The following CASR variants were observed in gnomAD, a reference collection of about 807,000 sequenced individuals.
The protein encoded by CASR is extracellular calcium-sensing receptor.
Under a neutral mutation model 69.1 loss-of-function variants are expected in CASR, and 23 were observed. The ratio of observed to expected loss-of-function variants is 0.33; its 90% confidence interval spans 0.24 to 0.47. The LOEUF is 0.47. CASR is among the 20% of genes least tolerant of loss of function. The pLI, the probability that CASR is intolerant of heterozygous loss-of-function variation, is 1.00. For missense variants in CASR, 924 were observed against 1,356.1 expected (o/e 0.68, Z 5.00); for synonymous variants, 541 against 544.7 (o/e 0.99, Z 0.10).
chr3:122,225,646 A>G (rs964682118), intron 1 of CASR, among the ~76,000 whole-genome samples: 22 of 151,936 alleles, frequency 1.4e-4, no homozygotes, highest in African/African-American at 5.1e-4. Flanking sequence ...TAATTTAGCC[A>G]CCGTGGAAAG....
At chr3:122,228,828 G>A (rs780521104) in intron 1 of CASR, among the ~76,000 whole-genome samples, 5 of 152,080 alleles carry the variant, frequency 3.3e-5, no homozygotes, top group South Asian at 2.1e-4. Flanking sequence ...CAGAACCACC[G>A]CTGTGCCACT....
intron 1 of CASR, among the ~76,000 whole-genome samples, chr3:122,197,162 G>C (rs1052915603): frequency 6.6e-6 from 1 of 152,074 alleles, no homozygotes; most frequent in African/African-American, 2.4e-5. Flanking sequence ...CTAACTCCTT[G>C]GTCATTTTTT....
chr3:122,256,140 A>T (rs1209782336), intron 2 of CASR, among the ~76,000 whole-genome samples: 1 of 152,234 alleles, frequency 6.6e-6, no homozygotes, highest in East Asian at 1.9e-4. Context: ...AAAACTCAGC[A>T]TTCCACCTCC....
intron 4 of CASR, among the ~76,000 whole-genome samples, chr3:122,270,637 T>G (rs976346739): frequency 2.0e-5 from 3 of 152,220 alleles, no homozygotes; most frequent in African/African-American, 7.2e-5. Context: ...AGACATTTAC[T>G]GCTATAAATT....
At chr3:122,273,115 G>A (rs899046828) in intron 4 of CASR, among the ~76,000 whole-genome samples, 4 of 152,212 alleles carry the variant, frequency 2.6e-5, no homozygotes, top group Non-Finnish European at 5.9e-5. Context: ...CCAAGGAACT[G>A]AAACCTAAAT....
intron 2 of CASR, 25 bp downstream of exon 2, chr3:122,254,399 A>C (rs759033373): frequency 6.2e-7 from 1 of 1,606,796 alleles, no homozygotes; most frequent in African/African-American, 1.3e-5. Flanking sequence ...CTAATCTGCC[A>C]ATCTCTTCTC....
At chr3:122,252,427 A>AAGAAAGAAAGAAAGAAAGAAAGAAAG (rs2074503187) in intron 1 of CASR, among the ~76,000 whole-genome samples, 1 of 96,054 alleles carries the variant, frequency 1.0e-5, no homozygotes. Context: ...GAAAGAAAGA[A>AAGAAAGAAAGAAAGAAAGAAAGAAAG]AGAAAGAAAG....
intron 5 of CASR, among the ~76,000 whole-genome samples, chr3:122,280,430 G>A (rs1235359314): frequency 6.6e-6 from 1 of 152,196 alleles, no homozygotes; most frequent in East Asian, 1.9e-4. Context: ...CTTTAATGGG[G>A]AAAATTTAGA....
Position 122,217,025 on chromosome 3 carries a change from A to T in CASR, c.-243+33213A>T, listed in dbSNP as rs1576828160. ...ATCCACGTGGAGCTGACTGTCTAACAAAGGAGACAAACAGTAAACAAATAA... is the reference window on the plus strand; with the variant it reads ...ATCCACGTGGAGCTGACTGTCTAACTAAGGAGACAAACAGTAAACAAATAA... On this transcript the variant is annotated intron_variant, in intron 1 of 6. Transcript: ENST00000639785. Among the ~76,000 whole-genome samples the T allele has an allele frequency of 5.9e-5, 9 of 152,360 alleles. 3 individuals carry two copies. Among genetic ancestry groups the T allele is most frequent in the Admixed American group, 5.9e-4 (9 of 15,300 alleles).
intron 1 of CASR, among the ~76,000 whole-genome samples, chr3:122,192,217 G>C (rs1302169852): frequency 6.6e-6 from 1 of 152,190 alleles, no homozygotes; most frequent in Non-Finnish European, 1.5e-5. Flanking sequence ...TTACCACCTG[G>C]ATTCAAATTC....
chr3:122,257,808 T>C (rs755664822), intron 3 of CASR, among the ~76,000 whole-genome samples: 2 of 152,222 alleles, frequency 1.3e-5, no homozygotes, highest in African/African-American at 2.4e-5. Context: ...CACTGTCTCA[T>C]TGAAACTTTA....
chr3:122,255,505 CTGA>C (rs2074545344), intron 2 of CASR, among the ~76,000 whole-genome samples: 2 of 152,200 alleles, frequency 1.3e-5, no homozygotes, highest in South Asian at 4.1e-4. Context: ...CGCACTGATG[CTGA>C]TGATATCCTT....
chr3:122,291,616 G>A lies in CASR; in HGVS notation c.*6425G>A, dbSNP rs2075012628. The A allele has an allele frequency of 6.6e-6, 1 of 152,074 alleles. No homozygotes were observed. Among genetic ancestry groups the A allele is most frequent in the East Asian group, 1.9e-4 (1 of 5,186 alleles). 9.4% of individuals were successfully genotyped at this position (152,074 alleles called of 1,614,324 possible). On this transcript the variant is annotated 3_prime_UTR_variant, in exon 7 of 7. Transcript: ENST00000639785. ...AATTATAACAGGAAAATAAAGAAAA[G>A]AATTTAAAATAAACATGCAACCAAA...
intron 1 of CASR, among the ~76,000 whole-genome samples, chr3:122,207,248 T>C (rs1357538412): frequency 2.6e-5 from 4 of 151,960 alleles, no homozygotes; most frequent in Non-Finnish European, 2.9e-5. Flanking sequence ...CACCTCATGC[T>C]CAGTAATGGG....
At chr3:122,213,762 G>A (rs560264706) in intron 1 of CASR, among the ~76,000 whole-genome samples, 1 of 152,284 alleles carries the variant, frequency 6.6e-6, no homozygotes, top group East Asian at 1.9e-4. Context: ...AAACCTAGCT[G>A]AATTACTGAA....
In CASR at chr3:122,280,059, C is replaced by A. The variant is rs145896958; in HGVS notation, c.1609-2054C>A. ...GTGGGAACATGGGGTGTTTGGTTTTCTGTTCCTGCAAAACGTAATTCATCA... is the reference window on the plus strand; with the variant it reads ...GTGGGAACATGGGGTGTTTGGTTTTATGTTCCTGCAAAACGTAATTCATCA... On this transcript the variant is annotated intron_variant, in intron 5 of 6. Transcript: ENST00000639785. Among the ~76,000 whole-genome samples, 152 of 152,264 alleles carry A rather than the reference C, an allele frequency of 1.0e-3. 1 individual carries two copies. The East Asian group carries it at 0.02, about 21-fold the overall frequency.
intron 1 of CASR, among the ~76,000 whole-genome samples, chr3:122,186,817 C>T (rs1041561180): frequency 2.0e-5 from 3 of 152,094 alleles, no homozygotes; most frequent in African/African-American, 7.2e-5. Flanking sequence ...AGAATGTATC[C>T]ACTAGGAATG....
chr3:122,257,985 T>C (rs1234013678), intron 3 of CASR, among the ~76,000 whole-genome samples: 1 of 152,266 alleles, frequency 6.6e-6, no homozygotes, highest in Non-Finnish European at 1.5e-5. Flanking sequence ...GAGAGATGGT[T>C]GCGTTTCCAT....
intron 4 of CASR, among the ~76,000 whole-genome samples, chr3:122,272,226 A>G (rs904583474): frequency 1.3e-5 from 2 of 152,146 alleles, no homozygotes; most frequent in Non-Finnish European, 2.9e-5. Context: ...CATCCCCACC[A>G]GCAGTCTATG....
Sources: allele counts gnomAD v4.1 joint callset (sites outside exome capture counted in the v4.1 genomes callset), GRCh38; gene constraint gnomAD v4.1.1; transcripts MANE v1.5; gene names NCBI Gene and HGNC (gene_info 2026-07-23, HGNC 2026-07-21).